Variants in FNIP2 observed in about 807,000 individuals in gnomAD.
FNIP2 encodes folliculin interacting protein 2, also known as folliculin-interacting protein 2.
FNIP2 carries 32 observed loss-of-function variants against 108.7 expected under a neutral mutation model. That is an observed-to-expected ratio of 0.29 (90% CI 0.22 to 0.40). FNIP2 has a LOEUF of 0.40. Among genes scored for constraint, FNIP2 ranks in the 10% least tolerant of loss-of-function variants. The pLI is 1.00. For synonymous variants in FNIP2, 480 were observed against 496.7 expected (o/e 0.97, Z 0.45); for missense variants, 1,202 against 1,381.6 (o/e 0.87, Z 2.06).
rs1463077762 is a variant in FNIP2 at position 158,868,060 on chromosome 4, AC to A, written c.1466-38del. ...AGACGGATATATCTGTGACATGCTAACCCCAGAGACCACTGCCTTTGTGTCC... is the reference window on the plus strand; with the variant it reads ...AGACGGATATATCTGTGACATGCTAACCCAGAGACCACTGCCTTTGTGTCC... On this transcript the variant is annotated intron_variant, in intron 12 of 16. Transcript: ENST00000264433. The surrounding 1 kb of genome is among the most constrained non-coding windows in gnomAD (Gnocchi z 4.6). 2.5e-6 allele frequency: 4 copies of A among 1,598,398 alleles called. No homozygotes were observed. The highest frequency in any genetic ancestry group is 3.4e-6 in the Non-Finnish European group (4 of 1,171,086).
chr4:158,791,306 C>T (rs1484419381), intron 1 of FNIP2, among the ~76,000 whole-genome samples: 1 of 113,450 alleles, frequency 8.8e-6, no homozygotes, highest in African/African-American at 3.5e-5. Context: ...CTTTTTGAGA[C>T]AGAGTCTTGC....
intron 1 of FNIP2, among the ~76,000 whole-genome samples, chr4:158,807,935 CTATCTGTTTT>C (rs1337136110): frequency 6.6e-6 from 1 of 152,042 alleles, no homozygotes; most frequent in Non-Finnish European, 1.5e-5. Flanking sequence ...CACTTTTATA[CTATCTGTTTT>C]TATCTGTTTC....
At position 158,827,511 on chromosome 4, in the gene FNIP2, G is replaced by A. The variant is rs1578874535; in HGVS notation, c.234+1469G>A. ...TCAGGAGGTTTGTAGCTTGCCCAAG[G>A]CTACAAAAGAATCCAGTCAGTGCTC... On this transcript the variant is annotated intron_variant, in intron 2 of 16. Transcript: ENST00000264433. 2.0e-5 allele frequency among the ~76,000 whole-genome samples: 3 copies of A among 152,262 alleles called. No homozygotes were observed. In the East Asian group the frequency reaches 5.8e-4, roughly 29 times the overall value.
At position 158,831,981 on chromosome 4, in the gene FNIP2, T is replaced by G. The variant is rs370135957; in HGVS notation, c.482+20T>G. ...CATACGGTGAGTCTGGGCTTCCTTT[T>G]CTACTAGTTTTGAGAAGTGGAACGG... On this transcript the variant is annotated intron_variant, in intron 4 of 16. Coordinates refer to ENST00000264433, the MANE Select transcript of FNIP2 (RefSeq NM_020840.3). 12 of 1,605,632 alleles carry G rather than the reference T, an allele frequency of 7.5e-6. No individual in the cohort carries two copies. The highest frequency in any genetic ancestry group is 1.6e-4 in the Middle Eastern group (1 of 6,074).
chr4:158,811,322 C>T (rs896335566), intron 1 of FNIP2, among the ~76,000 whole-genome samples: 13 of 152,082 alleles, frequency 8.5e-5, no homozygotes, highest in Non-Finnish European at 1.6e-4. Flanking sequence ...ACTTTCATGC[C>T]TCACCCTGTC....
intron 1 of FNIP2, among the ~76,000 whole-genome samples, chr4:158,779,055 C>G (rs547727614): frequency 3.3e-5 from 5 of 152,192 alleles, no homozygotes; most frequent in Non-Finnish European, 7.4e-5. Context: ...GGTGGGGAAA[C>G]TTGGACCCTA....
At chr4:158,805,193 T>G (rs4130344) in intron 1 of FNIP2, among the ~76,000 whole-genome samples, 83,552 of 152,038 alleles carry the variant, frequency 0.55, 23,925 homozygotes, top group East Asian at 0.88. Flanking sequence ...AGACAAGAGT[T>G]CATCAGGTTT....
chr4:158,791,054 T>G (rs1776396351), intron 1 of FNIP2, among the ~76,000 whole-genome samples: 4 of 152,062 alleles, frequency 2.6e-5, no homozygotes, highest in Non-Finnish European at 5.9e-5. Context: ...TAACCTAATT[T>G]AATGGAATGG....
chr4:158,844,468 C>T (rs758807334), intron 7 of FNIP2, among the ~76,000 whole-genome samples: 3 of 152,094 alleles, frequency 2.0e-5, no homozygotes, highest in Non-Finnish European at 4.4e-5. Context: ...AAGGTGATGT[C>T]GACCACTGAT....
intron 1 of FNIP2, among the ~76,000 whole-genome samples, chr4:158,782,535 TC>T (rs1391696771): frequency 1.3e-5 from 2 of 150,862 alleles, no homozygotes; most frequent in East Asian, 1.9e-4. Flanking sequence ...TTTTTTTTTT[TC>T]CTCAAATTAG....
chr4:158,856,282 A>G (rs1010720302), intron 8 of FNIP2, among the ~76,000 whole-genome samples: 1 of 152,208 alleles, frequency 6.6e-6, no homozygotes, highest in African/African-American at 2.4e-5. Context: ...ATATAGTCCA[A>G]TGTAATACAT....
At chr4:158,835,295 A>C (rs1778737238) in intron 6 of FNIP2, 110 bp from the exon 7 acceptor site, 1 of 772,372 alleles carries the variant, frequency 1.3e-6, no homozygotes. Context: ...AGCTTATGCC[A>C]ATCATCAGTA....
intron 1 of FNIP2, among the ~76,000 whole-genome samples, chr4:158,824,799 C>T (rs55873484): frequency 1.3e-3 from 191 of 152,232 alleles, no homozygotes; most frequent in African/African-American, 4.2e-3. Flanking sequence ...TTTTCTTCTT[C>T]CTTCTCCAGT....
chr4:158,769,351 G>T, intron 1 of FNIP2, 32 bp downstream of exon 1: 1 of 1,432,720 alleles, frequency 7.0e-7, no homozygotes. Context: ...ATTCTGGCGC[G>T]GGACCCGAGT....
At chr4:158,811,365 T>A (rs1777259584) in intron 1 of FNIP2, among the ~76,000 whole-genome samples, 1 of 152,196 alleles carries the variant, frequency 6.6e-6, no homozygotes, top group Non-Finnish European at 1.5e-5. Flanking sequence ...GTTAAGCTAT[T>A]TTCCCACTTA....
intron 14 of FNIP2, among the ~76,000 whole-genome samples, chr4:158,880,159 C>T (rs1178308413): frequency 7.2e-6 from 1 of 139,368 alleles, no homozygotes; most frequent in Admixed American, 7.1e-5. Context: ...TTTATTGTGG[C>T]ACTATTCACA....
chr4:158,827,881 A>G (rs1778244622), intron 2 of FNIP2, among the ~76,000 whole-genome samples: 1 of 152,122 alleles, frequency 6.6e-6, no homozygotes, highest in African/African-American at 2.4e-5. Flanking sequence ...TATCAAGCAC[A>G]TGACTGCAGG....
At chr4:158,893,597 G>C in intron 15 of FNIP2, 1 of 1,010,942 alleles carries the variant, frequency 9.9e-7, no homozygotes, top group South Asian at 1.5e-5. Context: ...ATCTGTCCTG[G>C]GGCAATATGA....
intron 12 of FNIP2, among the ~76,000 whole-genome samples, chr4:158,863,470 C>T (rs1009489589): frequency 6.6e-6 from 1 of 152,204 alleles, no homozygotes; most frequent in Non-Finnish European, 1.5e-5. Flanking sequence ...CGTTCCCCCT[C>T]CATGGCTGCT....
Sources: allele counts gnomAD v4.1 joint callset (sites outside exome capture counted in the v4.1 genomes callset), GRCh38; gene constraint gnomAD v4.1.1; non-coding constraint Gnocchi (gnomAD v3.1); transcripts MANE v1.5; gene names NCBI Gene and HGNC (gene_info 2026-07-23, HGNC 2026-07-21).